The following RNLS variants were observed in gnomAD, a reference collection of about 807,000 sequenced individuals.
RNLS encodes renalase, FAD dependent amine oxidase.
A neutral mutation model predicts 39.8 loss-of-function variants in RNLS; 39 were observed. The ratio of observed to expected loss-of-function variants is 0.98; its 90% CI spans 0.76 to 1.28. The LOEUF is 1.28. Ranked by LOEUF, RNLS falls within the 50% of genes most tolerant of loss-of-function variation. The pLI, the probability that RNLS is intolerant of heterozygous loss-of-function variation, is 0.00. For synonymous variants in RNLS, 147 were observed against 150.7 expected, an observed-to-expected ratio of 0.98 and a Z score of 0.18; for missense variants, 410 against 413.3, an observed-to-expected ratio of 0.99 and a Z score of 0.07.
intron 4 of RNLS, among the ~76,000 whole-genome samples, chr10:88,443,786 C>CA (rs1841871045): frequency 6.6e-6 from 1 of 152,216 alleles, no homozygotes; most frequent in Non-Finnish European, 1.5e-5. Context: ...GGGCGCCCGC[C>CA]ATTGCTGAGG....
At chr10:88,281,154 G>A (rs1273072020), downstream of RNLS, among the ~76,000 whole-genome samples, 1 of 152,164 alleles carries the variant, frequency 6.6e-6, no homozygotes, top group Non-Finnish European at 1.5e-5. Context: ...TCTGATGTTT[G>A]CTGAGACTTT....
At chr10:88,331,847 G>A (rs1405084325) in intron 5 of RNLS, among the ~76,000 whole-genome samples, 1 of 152,098 alleles carries the variant, frequency 6.6e-6, no homozygotes, top group Non-Finnish European at 1.5e-5. Context: ...GTAATGAAGA[G>A]CAAGCCAATC....
At chr10:88,200,392 TGTG>T in the RNLS span, among the ~76,000 whole-genome samples, 1 of 152,186 alleles carries the variant, frequency 6.6e-6, no homozygotes, top group Non-Finnish European at 1.5e-5. Context: ...ATGTTTCTAT[TGTG>T]GTCTTTTCCT....
chr10:88,339,879 C>G (rs1847805277), intron 5 of RNLS, among the ~76,000 whole-genome samples: 1 of 152,156 alleles, frequency 6.6e-6, no homozygotes, highest in Non-Finnish European at 1.5e-5. Flanking sequence ...GAGGCAGAAG[C>G]TGATGTTGGG....
intron 5 of RNLS, among the ~76,000 whole-genome samples, chr10:88,330,206 T>G (rs1589569638): frequency 6.6e-6 from 1 of 151,212 alleles, no homozygotes; most frequent in East Asian, 1.9e-4. Context: ...ATATTTCTAT[T>G]GTGAGCTCAT....
At chr10:88,402,706 G>A (rs1480455859) in intron 4 of RNLS, among the ~76,000 whole-genome samples, 1 of 151,888 alleles carries the variant, frequency 6.6e-6, no homozygotes, top group Admixed American at 6.6e-5. Flanking sequence ...CTATTTTATA[G>A]AATGTTCTAG....
At chr10:88,267,905 G>C in the RNLS span, among the ~76,000 whole-genome samples, 2 of 152,316 alleles carry the variant, frequency 1.3e-5, no homozygotes, top group East Asian at 1.9e-4. Flanking sequence ...GCTGTTCCCA[G>C]AGAAATTTTG....
At chr10:88,516,812 A>G (rs1744868098) in intron 4 of RNLS, among the ~76,000 whole-genome samples, 2 of 152,006 alleles carry the variant, frequency 1.3e-5, no homozygotes, top group Admixed American at 1.3e-4. Flanking sequence ...ATCTCTGTTG[A>G]CAGCTGTATT....
the RNLS span, among the ~76,000 whole-genome samples, chr10:88,264,621 A>G: frequency 6.6e-6 from 1 of 152,082 alleles, no homozygotes; most frequent in African/African-American, 2.4e-5. Flanking sequence ...TTGGTTGCCC[A>G]TTTGTATATC....
At chr10:88,329,207 A>G (rs1027950141) in intron 5 of RNLS, among the ~76,000 whole-genome samples, 7 of 151,554 alleles carry the variant, frequency 4.6e-5, no homozygotes, top group African/African-American at 1.7e-4. Context: ...AGCTAAGACC[A>G]CCACACCCAG....
At chr10:88,428,176 G>A (rs941497193) in intron 4 of RNLS, among the ~76,000 whole-genome samples, 2 of 151,860 alleles carry the variant, frequency 1.3e-5, no homozygotes, top group South Asian at 4.1e-4. Flanking sequence ...CGAATCTCTC[G>A]CTCCATTTCC....
chr10:88,244,244 C>T, the RNLS span, among the ~76,000 whole-genome samples: 1 of 152,218 alleles, frequency 6.6e-6, no homozygotes, highest in African/African-American at 2.4e-5. Context: ...TAGGACATAA[C>T]TGCCCAGGGC....
chr10:88,410,972 G>A (rs376867780), intron 4 of RNLS, among the ~76,000 whole-genome samples: 1 of 152,240 alleles, frequency 6.6e-6, no homozygotes, highest in South Asian at 2.1e-4. Context: ...GGACACACAT[G>A]ATTTCAACAT....
At chr10:88,492,569 C>T (rs1022794020) in intron 4 of RNLS, among the ~76,000 whole-genome samples, 29 of 151,942 alleles carry the variant, frequency 1.9e-4, no homozygotes, top group African/African-American at 5.3e-4. Flanking sequence ...AAGGTGTGCA[C>T]CACCATGCCT....
the RNLS span, among the ~76,000 whole-genome samples, chr10:88,210,588 A>T: frequency 6.6e-6 from 1 of 152,076 alleles, no homozygotes; most frequent in Non-Finnish European, 1.5e-5. Flanking sequence ...TTTACCACGC[A>T]CATAATCACA....
the RNLS span, among the ~76,000 whole-genome samples, chr10:88,231,503 A>C: frequency 6.6e-6 from 1 of 152,118 alleles, no homozygotes; most frequent in Admixed American, 6.5e-5. Context: ...CACTTTCTGG[A>C]CCTCAGTCAC....
intron 4 of RNLS, among the ~76,000 whole-genome samples, chr10:88,560,536 G>A (rs1849112985): frequency 6.6e-6 from 1 of 152,214 alleles, no homozygotes; most frequent in Non-Finnish European, 1.5e-5. Flanking sequence ...TGTTTCTGGA[G>A]AGCTTTATCT....
chr10:88,571,692 T>A (rs1417404691), intron 4 of RNLS, among the ~76,000 whole-genome samples: 5 of 152,224 alleles, frequency 3.3e-5, no homozygotes, highest in African/African-American at 9.6e-5. Flanking sequence ...ATTCCCTTTT[T>A]GTTTCTCATA....
intron 4 of RNLS, among the ~76,000 whole-genome samples, chr10:88,408,074 T>C (rs561958454): frequency 2.0e-5 from 3 of 152,126 alleles, no homozygotes; most frequent in African/African-American, 4.8e-5. Context: ...ATTATATACA[T>C]GCAATTATTA....
Sources: allele counts gnomAD v4.1 joint callset (sites outside exome capture counted in the v4.1 genomes callset), GRCh38; gene constraint gnomAD v4.1.1; transcripts MANE v1.5; gene names NCBI Gene and HGNC (gene_info 2026-07-23, HGNC 2026-07-21).